The following LRRC4C variants were observed in gnomAD, a reference collection of about 807,000 sequenced individuals.
The protein encoded by LRRC4C is leucine rich repeat containing 4C.
Under a neutral mutation model 33.6 loss-of-function variants are expected in LRRC4C, and 5 were observed. The ratio of observed to expected loss-of-function variants is 0.15; its 90% CI spans 0.08 to 0.31. The LOEUF is 0.31. LRRC4C is among the 10% of genes least tolerant of loss of function. The probability of loss-of-function intolerance (pLI) is 1.00; values close to 1 mark genes in which losing one functional copy is unlikely to be tolerated. For missense variants in LRRC4C, 560 were observed against 796.7 expected (o/e 0.70, Z 3.58); for synonymous variants, 329 against 302.0 (o/e 1.09, Z -0.93).
At chr11:40,967,308 A>G (rs1851434440) in intron 1 of LRRC4C, among the ~76,000 whole-genome samples, 2 of 152,010 alleles carry the variant, frequency 1.3e-5, no homozygotes, top group African/African-American at 4.8e-5. Context: ...AATAAATAGT[A>G]GGCTTGAAAA....
chr11:40,468,552 G>A (rs1294346885), intron 3 of LRRC4C, among the ~76,000 whole-genome samples: 1 of 147,558 alleles, frequency 6.8e-6, no homozygotes. Context: ...GCCTAGCTAG[G>A]TTGACTTAAA....
chr11:40,135,656 T>A (rs1856919520), intron 6 of LRRC4C, among the ~76,000 whole-genome samples: 1 of 152,216 alleles, frequency 6.6e-6, no homozygotes, highest in Admixed American at 6.5e-5. Flanking sequence ...AATTACTTTT[T>A]AGTTACTTTT....
intron 3 of LRRC4C, among the ~76,000 whole-genome samples, chr11:40,544,303 T>A (rs1472771215): frequency 6.6e-6 from 1 of 152,032 alleles, no homozygotes; most frequent in Non-Finnish European, 1.5e-5. Context: ...ACTGGTTACA[T>A]GAGGCTAAGG....
Position 41,280,003 on chromosome 11 carries a change from G to A in LRRC4C, c.-496+179428C>T, listed in dbSNP as rs372299875. Reference sequence around the variant, plus strand: ...GTTGGTTCCTCTGTTTAATGGTGTCGTAATTCCTGATACCTAAATAGAATG... The same window carrying A: ...GTTGGTTCCTCTGTTTAATGGTGTCATAATTCCTGATACCTAAATAGAATG... On this transcript the variant is annotated intron_variant, in intron 1 of 6. Coordinates refer to ENST00000528697, the MANE Select transcript of LRRC4C (RefSeq NM_001258419.2). Among the ~76,000 whole-genome samples, 108 of 151,966 alleles carry A rather than the reference G, an allele frequency of 7.1e-4. 1 individual carries two copies. In the East Asian group the frequency reaches 9.7e-3, roughly 14 times the overall value.
intron 2 of LRRC4C, among the ~76,000 whole-genome samples, chr11:40,924,762 A>T (rs539905715): frequency 3.1e-4 from 47 of 152,306 alleles, no homozygotes; most frequent in African/African-American, 1.1e-3. Context: ...ATATCCCATA[A>T]ATGTGTACAA....
chr11:40,233,312 TTA>T (rs1342418542), intron 5 of LRRC4C, among the ~76,000 whole-genome samples: 6 of 152,276 alleles, frequency 3.9e-5, no homozygotes, highest in African/African-American at 1.4e-4. Flanking sequence ...ACATTTAAAT[TTA>T]TAGTTATTTA....
chr11:40,423,088 C>T (rs1322794926), intron 3 of LRRC4C, among the ~76,000 whole-genome samples: 3 of 152,026 alleles, frequency 2.0e-5, no homozygotes, highest in African/African-American at 4.8e-5. Flanking sequence ...CATCTCTTCC[C>T]AATTCTTTGT....
intron 3 of LRRC4C, among the ~76,000 whole-genome samples, chr11:40,401,206 A>G (rs998850657): frequency 6.6e-6 from 1 of 151,828 alleles, no homozygotes. Context: ...ATGGCTTGGC[A>G]TCAGTATACA....
chr11:41,328,927 TC>T (rs1315091613), intron 1 of LRRC4C, among the ~76,000 whole-genome samples: 7 of 152,306 alleles, frequency 4.6e-5, no homozygotes, highest in Non-Finnish European at 2.9e-5. Flanking sequence ...AAGTGACTTA[TC>T]CAATGAAAAT....
chr11:40,360,975 A>T (rs1947921445), intron 3 of LRRC4C, among the ~76,000 whole-genome samples: 1 of 152,042 alleles, frequency 6.6e-6, no homozygotes, highest in Non-Finnish European at 1.5e-5. Context: ...TTCATCACAT[A>T]AAAAAACTAA....
At chr11:41,060,142 G>T (rs1937645575) in intron 1 of LRRC4C, among the ~76,000 whole-genome samples, 1 of 152,190 alleles carries the variant, frequency 6.6e-6, no homozygotes, top group Non-Finnish European at 1.5e-5. Context: ...AAGCTAGCAT[G>T]TCGCTCTGTG....
At chr11:41,181,348 G>A (rs1945440764) in intron 1 of LRRC4C, among the ~76,000 whole-genome samples, 1 of 151,916 alleles carries the variant, frequency 6.6e-6, no homozygotes, top group South Asian at 2.1e-4. Context: ...AGTGATCTCT[G>A]GAAAAAACAG....
intron 5 of LRRC4C, among the ~76,000 whole-genome samples, chr11:40,182,456 C>T (rs1861085143): frequency 6.6e-6 from 1 of 152,180 alleles, no homozygotes; most frequent in African/African-American, 2.4e-5. Flanking sequence ...ATTATCTCAG[C>T]ATAAGGCTTA....
intron 1 of LRRC4C, among the ~76,000 whole-genome samples, chr11:41,218,056 G>A (rs1345565452): frequency 1.3e-5 from 2 of 151,178 alleles, no homozygotes; most frequent in Non-Finnish European, 2.9e-5. Flanking sequence ...GCTTCCATAG[G>A]TCTACACATA....
chr11:41,093,326 C>T (rs564223044), intron 1 of LRRC4C, among the ~76,000 whole-genome samples: 3 of 152,326 alleles, frequency 2.0e-5, no homozygotes, highest in Non-Finnish European at 2.9e-5. Flanking sequence ...AAAGGTAATA[C>T]TTTCCTTCAT....
At chr11:40,944,229 A>T (rs1479633728) in intron 1 of LRRC4C, among the ~76,000 whole-genome samples, 1 of 152,208 alleles carries the variant, frequency 6.6e-6, no homozygotes, top group African/African-American at 2.4e-5. Flanking sequence ...GCATTAAAAA[A>T]ACCCAAGCTA....
intron 1 of LRRC4C, among the ~76,000 whole-genome samples, chr11:40,993,307 A>G (rs1853718690): frequency 2.6e-5 from 4 of 152,146 alleles, no homozygotes; most frequent in Admixed American, 2.6e-4. Flanking sequence ...TTAATTATCA[A>G]ATAAATGAAC....
chr11:41,419,629 C>T (rs545160857), intron 1 of LRRC4C, among the ~76,000 whole-genome samples: 2 of 152,040 alleles, frequency 1.3e-5, no homozygotes, highest in East Asian at 3.9e-4. Flanking sequence ...ATAAAAGCTA[C>T]CACTTACTGA....
intron 1 of LRRC4C, among the ~76,000 whole-genome samples, chr11:40,967,490 C>G (rs1851445074): frequency 6.6e-6 from 1 of 152,138 alleles, no homozygotes; most frequent in South Asian, 2.1e-4. Context: ...AACCCTGTAT[C>G]AAACAAATCT....
Sources: allele counts gnomAD v4.1 joint callset (sites outside exome capture counted in the v4.1 genomes callset), GRCh38; gene constraint gnomAD v4.1.1; transcripts MANE v1.5; gene names NCBI Gene and HGNC (gene_info 2026-07-23, HGNC 2026-07-21).